ZNF583: variants seen among roughly 807,000 people sequenced by gnomAD.
ZNF583 encodes the protein zinc finger protein 583.
In ZNF583, 30 loss-of-function variants were observed where a neutral mutation model predicts 55.3. The observed-to-expected ratio is 0.54, with a 90% CI of 0.41 to 0.74. ZNF583 has a LOEUF of 0.74. Among genes scored for constraint, ZNF583 ranks in the 30% least tolerant of loss-of-function variants. The pLI, the probability that ZNF583 is intolerant of heterozygous loss-of-function variation, is 0.00. For missense variants in ZNF583, 504 were observed against 664.7 expected, an observed-to-expected ratio of 0.76 and a Z score of 2.66; for synonymous variants, 208 against 220.0, an observed-to-expected ratio of 0.95 and a Z score of 0.48.
intron 4 of ZNF583, chr19:56,421,413 C>T: frequency 1.0e-6 from 1 of 971,372 alleles, no homozygotes; most frequent in South Asian, 4.8e-5. Context: ...ATTTAATTTT[C>T]ATGTTGACTT....
At chr19:56,422,327 C>T (rs1001509660) in intron 4 of ZNF583, among the ~76,000 whole-genome samples, 3 of 152,120 alleles carry the variant, frequency 2.0e-5, no homozygotes, top group Non-Finnish European at 4.4e-5. Flanking sequence ...GGCATCTTAG[C>T]TGCAGGGATC....
intron 2 of ZNF583, among the ~76,000 whole-genome samples, chr19:56,413,131 A>G (rs1365121867): frequency 1.3e-5 from 2 of 152,226 alleles, no homozygotes; most frequent in Non-Finnish European, 2.9e-5. Context: ...AATTTGTGTA[A>G]AACAAATGTT....
rs2042188440 is a variant in ZNF583 at position 56,408,434 on chromosome 19, A to C, written c.9+1311A>C. On this transcript the variant is annotated intron_variant, in intron 2 of 4. Coordinates refer to ENST00000333201, the MANE Select transcript of ZNF583 (RefSeq NM_152478.3). ...TATACTAGCATGACTGAGAAACTGA[A>C]TTTTTCATGTTAATTGATTTAAATT... Among the ~76,000 whole-genome samples the C allele has an allele frequency of 2.0e-5, 3 of 152,196 alleles. No individual in the cohort carries two copies. The South Asian group carries it at 6.2e-4, about 32-fold the overall frequency.
chr19:56,414,031 A>G lies in ZNF583; in HGVS notation c.82A>G (p.Arg28Gly). Residue 28 changes from arginine (R) to glycine (G), a missense_variant, in exon 3 of 5, where the codon AGG (arginine) becomes GGG (glycine). Physicochemically the swap from Arg to Gly is moderately radical, Grantham distance 125. Coordinates refer to ENST00000333201, the MANE Select transcript of ZNF583 (RefSeq NM_152478.3). ...ATGGGAATGGCTGAACCCTGCTCAG[A>G]GGAATTTGTACAGGAAAGTGATGTT... ...EEWEWLNPAQ[R>G]NLYRKVMLEN... 6.2e-7 allele frequency: 1 copy of G among 1,611,692 alleles called. No homozygotes were observed. The highest frequency in any genetic ancestry group is 8.5e-7 in the Non-Finnish European group (1 of 1,178,976).
chr19:56,420,351 C>CT (rs1348843739), intron 4 of ZNF583, among the ~76,000 whole-genome samples: 1 of 152,126 alleles, frequency 6.6e-6, no homozygotes, highest in East Asian at 1.9e-4. Context: ...AGAATATAGT[C>CT]TATCTTATTT....
chr19:56,417,178 A>T (rs2042339481), intron 4 of ZNF583, among the ~76,000 whole-genome samples: 1 of 152,152 alleles, frequency 6.6e-6, no homozygotes, highest in Non-Finnish European at 1.5e-5. Flanking sequence ...ACTTTGTGTG[A>T]ACATATATTT....
chr19:56,405,146 CTG>C (rs1568799066), intron 1 of ZNF583, among the ~76,000 whole-genome samples: 3 of 152,116 alleles, frequency 2.0e-5, no homozygotes, highest in Non-Finnish European at 4.4e-5. Flanking sequence ...GTGTGTGAGA[CTG>C]TGTCACTGTA....
rs2042477804 is a variant in ZNF583, at chr19:56,424,737, G to A, written c.*369G>A. The stretch of plus-strand genomic sequence containing the variant: ...ATCCAGGATTAAGATACATATTCCA[G>A]GATCAAAAAGACCTGGGTTCCAATC... On this transcript the variant is annotated 3_prime_UTR_variant, in exon 5 of 5. Coordinates refer to ENST00000333201, the MANE Select transcript of ZNF583 (RefSeq NM_152478.3). 6.0e-6 allele frequency: 1 copy of A among 168,034 alleles called. No homozygotes were observed. The highest frequency in any genetic ancestry group is 5.8e-5 in the Admixed American group (1 of 17,140). 10.4% of individuals were successfully genotyped at this position (168,034 alleles called of 1,614,324 possible).
At chr19:56,414,478 C>T (rs773931278) in intron 4 of ZNF583, 38 bp downstream of exon 4, 9 of 1,565,772 alleles carry the variant, frequency 5.7e-6, no homozygotes, top group Non-Finnish European at 7.9e-6. Flanking sequence ...AAGCCATTGC[C>T]AGGAAAAGCT....
Position 56,414,349 on chromosome 19 carries a change from TTC to T in ZNF583, c.143_144del (p.Ser48CysfsTer3). ...CCTTTTGTTTTTTGTAAGCAGGAGT[TTC>T]TGTTTCTAAGCCAGATGTGATCTCA... ...NYRSLVSLGV[S>X]VSKPDVISLL... On this transcript the variant is annotated frameshift_variant, in exon 4 of 5. Coordinates refer to ENST00000333201, the MANE Select transcript of ZNF583 (RefSeq NM_152478.3). LOFTEE classifies it high-confidence loss of function. 6.2e-7 allele frequency: 1 copy of T among 1,614,122 alleles called. No individual in the cohort carries two copies. The highest frequency in any genetic ancestry group is 8.5e-7 in the Non-Finnish European group (1 of 1,179,996).
chr19:56,409,314 G>C (rs1196306273), intron 2 of ZNF583, among the ~76,000 whole-genome samples: 1 of 152,190 alleles, frequency 6.6e-6, no homozygotes, highest in African/African-American at 2.4e-5. Context: ...AGGATAGCTA[G>C]AGTTAGCCAC....
chr19:56,420,527 A>G (rs1175911989), intron 4 of ZNF583, among the ~76,000 whole-genome samples: 2 of 152,184 alleles, frequency 1.3e-5, no homozygotes, highest in African/African-American at 2.4e-5. Flanking sequence ...GTTGCCTATT[A>G]TGACTATAGG....
chr19:56,410,638 G>T (rs188525795), intron 2 of ZNF583, among the ~76,000 whole-genome samples: 183 of 152,246 alleles, frequency 1.2e-3, no homozygotes, highest in African/African-American at 4.2e-3. Context: ...GGAGGTGGAG[G>T]TTGCTGTGAG....
rs2042446885 is a variant in ZNF583, at chr19:56,423,240, A to G, written c.582A>G (p.Arg194=). The change falls in exon 5 of 5, where the codon CGA becomes CGG. Residue 194 remains arginine, a synonymous_variant. Coordinates refer to ENST00000333201, the MANE Select transcript of ZNF583 (RefSeq NM_152478.3). ...ATGAACCACAAAAGAAAAGTTACCG[A>G]AAAAAATCTGTTGAAATGAAACATA... ...HKHEPQKKSY[R]KKSVEMKHRK... 1 of 1,611,970 alleles carries G rather than the reference A, an allele frequency of 6.2e-7. No homozygotes were observed. Among genetic ancestry groups the G allele is most frequent in the East Asian group, 2.2e-5 (1 of 44,880 alleles).
intron 4 of ZNF583, among the ~76,000 whole-genome samples, chr19:56,419,430 G>A (rs2042380323): frequency 6.6e-6 from 1 of 152,012 alleles, no homozygotes; most frequent in African/African-American, 2.4e-5. Flanking sequence ...TCTTGTCCTC[G>A]TGATCCACCT....
rs577294957 is a variant in ZNF583, at chr19:56,408,955, T to A, written c.9+1832T>A. Among the ~76,000 whole-genome samples, 44 of 152,342 alleles carry A rather than the reference T, an allele frequency of 2.9e-4. 1 individual carries two copies. The South Asian group carries it at 8.1e-3, about 28-fold the overall frequency. On this transcript the variant is annotated intron_variant, in intron 2 of 4. Coordinates refer to ENST00000333201, the MANE Select transcript of ZNF583 (RefSeq NM_152478.3). ...TCCCTCAGACTTACTGTGCTTTTTCTTGTCTCTGGACTTTTGCATTTGCCC... is the reference window on the plus strand; with the variant it reads ...TCCCTCAGACTTACTGTGCTTTTTCATGTCTCTGGACTTTTGCATTTGCCC...
At position 56,423,625 on chromosome 19, in the gene ZNF583, C is replaced by T; in HGVS notation, c.967C>T (p.Pro323Ser). The T allele has an allele frequency of 6.2e-7, 1 of 1,614,014 alleles. No homozygotes were observed. The highest frequency in any genetic ancestry group is 8.5e-7 in the Non-Finnish European group (1 of 1,179,990). The change falls in exon 5 of 5, where the codon CCT becomes TCT. Residue 323 changes from proline (P) to serine (S), a missense_variant. Physicochemically the swap from Pro to Ser is moderately conservative, Grantham distance 74 (BLOSUM62 -1). Around this residue, in one of 3 missense-constraint regions of ZNF583, gnomAD observed 237 missense variants for 373.0 expected, o/e 0.64. Coordinates refer to ENST00000333201, the MANE Select transcript of ZNF583 (RefSeq NM_152478.3). The part of the protein sequence containing the change: ...QHQRVHTGER[P>S]FECIECGKAF... ...TCAGAGAGTTCATACTGGAGAGAGA[C>T]CTTTCGAATGTATTGAATGTGGAAA...
intron 1 of ZNF583, among the ~76,000 whole-genome samples, chr19:56,405,169 T>C (rs962335729): frequency 3.3e-5 from 5 of 150,904 alleles, no homozygotes; most frequent in African/African-American, 1.2e-4. Context: ...TGTGAAACTG[T>C]ATGTGAACAG....
At chr19:56,413,858 C>T (rs918650208) in intron 2 of ZNF583, 101 bp from the exon 3 acceptor site, 4 of 1,530,194 alleles carry the variant, frequency 2.6e-6, no homozygotes, top group Non-Finnish European at 3.6e-6. Context: ...TTGCTATGTG[C>T]AATATTTTTC....
Sources: gnomAD v4.1 joint callset for allele counts (sites outside exome capture counted in the v4.1 genomes callset) on GRCh38, gnomAD v4.1.1 for gene constraint, gnomAD v4.1.1 regional missense constraint, MANE v1.5 for transcripts, NCBI Gene and HGNC (gene_info 2026-07-23, HGNC 2026-07-21) for gene names.